Variants in SEMA5B observed in about 807,000 individuals in gnomAD.
The protein encoded by SEMA5B is semaphorin 5B.
A neutral mutation model predicts 135.0 loss-of-function variants in SEMA5B; 66 were observed. The observed-to-expected ratio is 0.49, with a 90% CI of 0.40 to 0.60. The LOEUF (loss-of-function observed/expected upper bound fraction) is 0.60, where lower values mean the gene tolerates loss of function less well. Among genes scored for constraint, SEMA5B ranks in the 20% least tolerant of loss-of-function variants. The probability of loss-of-function intolerance (pLI) is 0.00; values close to 1 mark genes in which losing one functional copy is unlikely to be tolerated. For missense variants in SEMA5B, 1,501 were observed against 1,566.3 expected (o/e 0.96, Z 0.70); for synonymous variants, 690 against 639.5 (o/e 1.08, Z -1.19).
At chr3:123,009,950 T>G (rs1470576084) in intron 1 of SEMA5B, among the ~76,000 whole-genome samples, 1 of 152,198 alleles carries the variant, frequency 6.6e-6, no homozygotes, top group Non-Finnish European at 1.5e-5. Flanking sequence ...GGAGACGGCA[T>G]GGTGATGCAG....
chr3:122,923,691 T>A lies in SEMA5B; in HGVS notation c.1198A>T (p.Asn400Tyr). ...TTCTCCTGGTAGCGAAATGGGCCAT[T>A]GAAAGCCTGGGAGATAGCACTGAGG... is the stretch of plus-strand genomic sequence containing the variant. ...FNLSAISQAF[N>Y]GPFRYQENPR... The change falls in exon 10 of 23, where the codon AAT becomes TAT. Residue 400 changes from asparagine (N) to tyrosine (Y), a missense_variant. Around this residue, in one of 2 missense-constraint regions of SEMA5B, gnomAD observed 574 missense variants for 684.7 expected, o/e 0.84. Coordinates refer to ENST00000357599, the MANE Select transcript of SEMA5B (RefSeq NM_001031702.4). 1 of 1,614,036 alleles carries A rather than the reference T, an allele frequency of 6.2e-7. No individual in the cohort carries two copies. Among genetic ancestry groups the A allele is most frequent in the Non-Finnish European group, 8.5e-7 (1 of 1,179,980 alleles).
chr3:123,001,949 A>G (rs1286200948), intron 1 of SEMA5B, among the ~76,000 whole-genome samples: 3 of 152,234 alleles, frequency 2.0e-5, no homozygotes, highest in Non-Finnish European at 4.4e-5. Flanking sequence ...TACACATGTA[A>G]TGCCATATTT....
intron 1 of SEMA5B, among the ~76,000 whole-genome samples, chr3:122,961,580 C>T (rs1484722326): frequency 3.9e-5 from 6 of 152,056 alleles, no homozygotes; most frequent in African/African-American, 1.5e-4. Flanking sequence ...CTGCCTCAGC[C>T]CCCCAAGTAG....
At chr3:122,976,854 A>C (rs1016044889) in intron 1 of SEMA5B, among the ~76,000 whole-genome samples, 4 of 152,178 alleles carry the variant, frequency 2.6e-5, no homozygotes, top group Non-Finnish European at 2.9e-5. Flanking sequence ...GTTCGAGACC[A>C]GCCTTGCCAA....
At position 122,913,068 on chromosome 3, in the gene SEMA5B, A is replaced by AG; in HGVS notation, c.2507-8dup. 1.3e-6 allele frequency: 2 copies of AG among 1,495,868 alleles called. No individual in the cohort carries two copies. The highest frequency in any genetic ancestry group is 2.8e-5 in the African/African-American group (2 of 71,388). 92.7% of individuals were successfully genotyped at this position (1,495,868 alleles called of 1,614,324 possible). A position where few individuals can be genotyped will look rare whatever the true frequency, so the allele number is the denominator to read the frequency against. ...AGGAGGACCTCCACCAGGGCTGCGG[A>AG]GGGGCTAGGCCTCAGCGACTGGGCG... On this transcript the variant is annotated splice_polypyrimidine_tract_variant and splice_region_variant and intron_variant, in intron 17 of 22. Transcript: ENST00000357599.
intron 12 of SEMA5B, among the ~76,000 whole-genome samples, chr3:122,921,240 GC>G (rs1938332878): frequency 6.6e-6 from 1 of 152,242 alleles, no homozygotes; most frequent in African/African-American, 2.4e-5. Context: ...GCCTGGGAGA[GC>G]CTCGGGTGGT....
chr3:122,925,268 T>C (rs1938564890), intron 9 of SEMA5B, among the ~76,000 whole-genome samples: 1 of 151,982 alleles, frequency 6.6e-6, no homozygotes, highest in South Asian at 2.1e-4. Context: ...TCACTGTCTA[T>C]ATCAGGGTGT....
chr3:122,937,147 C>A (rs1939334693), intron 5 of SEMA5B, among the ~76,000 whole-genome samples: 1 of 152,162 alleles, frequency 6.6e-6, no homozygotes, highest in Non-Finnish European at 1.5e-5. Context: ...GGAAGCTGGG[C>A]GGGGGCACCC....
At chr3:123,026,543 G>A (rs1326422156) in intron 1 of SEMA5B, among the ~76,000 whole-genome samples, 1 of 152,092 alleles carries the variant, frequency 6.6e-6, no homozygotes, top group Admixed American at 6.5e-5. Flanking sequence ...CGGCTCCGTT[G>A]GGCCGGGTTT....
In SEMA5B at chr3:122,915,827, T is replaced by G; in HGVS notation, c.1752A>C (p.Thr584=). The G allele has an allele frequency of 6.2e-7, 1 of 1,613,944 alleles. No homozygotes were observed. The highest frequency in any genetic ancestry group is 8.5e-7 in the Non-Finnish European group (1 of 1,179,972). Residue 584 remains threonine, a synonymous_variant, in exon 13 of 23, where the codon ACA becomes ACC. Coordinates refer to ENST00000357599, the MANE Select transcript of SEMA5B (RefSeq NM_001031702.4). ...GWDGKQQRCS[T]LEDSSNMSLW... ...GGCTCATGTTGGAGCTGTCCTCGAGTGTGCTGCAACGTTGCTGCTTCCCGT... is the reference window on the plus strand; with the variant it reads ...GGCTCATGTTGGAGCTGTCCTCGAGGGTGCTGCAACGTTGCTGCTTCCCGT...
intron 1 of SEMA5B, among the ~76,000 whole-genome samples, chr3:122,995,589 G>A (rs1010432342): frequency 3.9e-5 from 6 of 152,234 alleles, no homozygotes; most frequent in Admixed American, 6.5e-5. Context: ...AGAGGACACA[G>A]CACCCAAGCT....
At chr3:122,919,148 TG>T (rs1353181472) in intron 12 of SEMA5B, among the ~76,000 whole-genome samples, 1 of 151,942 alleles carries the variant, frequency 6.6e-6, no homozygotes, top group Non-Finnish European at 1.5e-5. Flanking sequence ...AGTCTCACAG[TG>T]GGAGCTGTCC....
chr3:122,918,387 C>T (rs978466239), intron 12 of SEMA5B, among the ~76,000 whole-genome samples: 85 of 152,168 alleles, frequency 5.6e-4, no homozygotes, highest in African/African-American at 2.0e-3. Flanking sequence ...ACAAAAAGCC[C>T]ACCAACCTAT....
intron 1 of SEMA5B, among the ~76,000 whole-genome samples, chr3:122,968,512 G>A (rs1197800437): frequency 1.3e-5 from 2 of 152,182 alleles, no homozygotes; most frequent in Non-Finnish European, 2.9e-5. Context: ...TAGATTGGAA[G>A]GGTGGGAGAA....
At chr3:122,939,313 T>C in intron 5 of SEMA5B, 112 bp downstream of exon 5, 1 of 827,664 alleles carries the variant, frequency 1.2e-6, no homozygotes, top group Non-Finnish European at 2.1e-6. Context: ...AACAAGTGGC[T>C]CCTGTTTTCA....
At chr3:122,946,519 C>T (rs1323953226) in intron 3 of SEMA5B, among the ~76,000 whole-genome samples, 1 of 152,098 alleles carries the variant, frequency 6.6e-6, no homozygotes, top group Non-Finnish European at 1.5e-5. Flanking sequence ...TTCTCCTGAA[C>T]ACAGCATCCC....
chr3:123,009,401 G>A lies in SEMA5B; in HGVS notation c.-39+18063C>T, dbSNP rs144479774. On this transcript the variant is annotated intron_variant, in intron 1 of 22. Transcript: ENST00000357599. ...CTTCTGTGGGATGAGGGAGGGTCCT[G>A]TGAACACATCAGGGATAAACACAGA... Among the ~76,000 whole-genome samples the A allele has an allele frequency of 5.8e-3, 877 of 152,208 alleles. 6 individuals are homozygous for A. The highest frequency in any genetic ancestry group is 0.031 in the Middle Eastern group (9 of 294).
intron 1 of SEMA5B, among the ~76,000 whole-genome samples, chr3:123,007,175 T>TTGCCCCCTTCCTTC (rs1235759777): frequency 3.9e-5 from 6 of 152,110 alleles, no homozygotes; most frequent in African/African-American, 1.4e-4. Context: ...GGTCTTGCTC[T>TTGCCCCCTTCCTTC]TGCCCCCTTC....
intron 1 of SEMA5B, among the ~76,000 whole-genome samples, chr3:122,971,360 G>C (rs1941106761): frequency 6.6e-6 from 1 of 152,264 alleles, no homozygotes; most frequent in Non-Finnish European, 1.5e-5. Flanking sequence ...AGGAATCTTT[G>C]CTCTTAACCA....
Sources: allele counts gnomAD v4.1 joint callset (sites outside exome capture counted in the v4.1 genomes callset), GRCh38; gene constraint gnomAD v4.1.1; regional missense constraint gnomAD v4.1.1; transcripts MANE v1.5; gene names NCBI Gene and HGNC (gene_info 2026-07-23, HGNC 2026-07-21).